The following TANC2 variants were observed in gnomAD, a reference collection of about 807,000 sequenced individuals.
The protein encoded by TANC2 is protein TANC2.
In TANC2, 26 loss-of-function variants were observed where a neutral mutation model predicts 210.5. That is an observed-to-expected ratio of 0.12 (90% CI 0.09 to 0.17). The LOEUF is 0.17. Ranked by LOEUF, TANC2 falls within the 10% of genes least tolerant of loss-of-function variation. The pLI is 1.00. For synonymous variants in TANC2, 931 were observed against 967.1 expected (o/e 0.96, Z 0.69); for missense variants, 2,129 against 2,608.9 (o/e 0.82, Z 4.01).
intron 8 of TANC2, among the ~76,000 whole-genome samples, chr17:63,250,474 A>G (rs928931090): frequency 6.6e-6 from 1 of 152,072 alleles, no homozygotes; most frequent in African/African-American, 2.4e-5. Flanking sequence ...GACTAGCGCT[A>G]TAAGGTAGGA....
At chr17:63,350,343 A>G (rs2046560643) in intron 12 of TANC2, among the ~76,000 whole-genome samples, 1 of 152,176 alleles carries the variant, frequency 6.6e-6, no homozygotes, top group Admixed American at 6.5e-5. Context: ...AGATCCTGCT[A>G]ACAAATAACT....
intron 4 of TANC2, among the ~76,000 whole-genome samples, chr17:63,111,080 A>G (rs561777642): frequency 6.6e-6 from 1 of 152,154 alleles, no homozygotes; most frequent in Non-Finnish European, 1.5e-5. Context: ...TGGGAGGCCA[A>G]GGTGGAGGAT....
At chr17:63,405,054 C>A in intron 19 of TANC2, 68 bp from the exon 20 acceptor site, 2 of 1,423,196 alleles carry the variant, frequency 1.4e-6, no homozygotes, top group South Asian at 1.7e-5. Context: ...AAGGATATGT[C>A]ACGTTTAACA....
chr17:63,087,321 G>A (rs2037008414), intron 3 of TANC2, among the ~76,000 whole-genome samples: 1 of 152,212 alleles, frequency 6.6e-6, no homozygotes, highest in South Asian at 2.1e-4. Context: ...GTTCAGGTGT[G>A]TGGGAAAAGG....
intron 2 of TANC2, among the ~76,000 whole-genome samples, chr17:63,052,454 C>T (rs1028792184): frequency 1.3e-5 from 2 of 152,006 alleles, no homozygotes; most frequent in African/African-American, 4.8e-5. Context: ...TGATAGCGGC[C>T]TTATAATATG....
chr17:63,124,359 A>G (rs1430466283), intron 4 of TANC2, among the ~76,000 whole-genome samples: 1 of 152,180 alleles, frequency 6.6e-6, no homozygotes, highest in African/African-American at 2.4e-5. Flanking sequence ...AGGAACCAAG[A>G]TGGTGTAACT....
At chr17:63,196,317 C>A (rs1208952602) in intron 6 of TANC2, among the ~76,000 whole-genome samples, 1 of 152,102 alleles carries the variant, frequency 6.6e-6, no homozygotes, top group African/African-American at 2.4e-5. Context: ...AAATTGGGAG[C>A]AATAAAACAT....
intron 15 of TANC2, among the ~76,000 whole-genome samples, chr17:63,381,010 G>A (rs568986310): frequency 1.1e-4 from 16 of 152,288 alleles, no homozygotes; most frequent in African/African-American, 3.8e-4. Flanking sequence ...AACTCTAAGA[G>A]CATTGTCCTG....
At chr17:63,154,105 A>T (rs1175881170) in intron 5 of TANC2, 2 of 152,198 alleles carry the variant, frequency 1.3e-5, no homozygotes, top group Non-Finnish European at 2.9e-5. Flanking sequence ...AAATACAAGC[A>T]AACAGTATGT....
chr17:62,980,309 G>A (rs925504171), intron 1 of TANC2, among the ~76,000 whole-genome samples: 1 of 152,132 alleles, frequency 6.6e-6, no homozygotes, highest in South Asian at 2.1e-4. Flanking sequence ...TCATGTAGTT[G>A]TTGGTGATTT....
chr17:63,141,576 A>T (rs2039295552), intron 4 of TANC2, among the ~76,000 whole-genome samples: 1 of 151,628 alleles, frequency 6.6e-6, no homozygotes, highest in Non-Finnish European at 1.5e-5. Flanking sequence ...AAGAAAAAAA[A>T]AAAAGTATTT....
At chr17:63,264,644 G>T (rs1020251602) in intron 8 of TANC2, among the ~76,000 whole-genome samples, 1 of 152,132 alleles carries the variant, frequency 6.6e-6, no homozygotes, top group Admixed American at 6.5e-5. Flanking sequence ...TCAACTTTTT[G>T]TGTTGAGAAA....
At chr17:63,405,924 C>T (rs1316041423) in intron 20 of TANC2, among the ~76,000 whole-genome samples, 2 of 152,134 alleles carry the variant, frequency 1.3e-5, no homozygotes, top group African/African-American at 4.8e-5. Flanking sequence ...TTCTTTTTTA[C>T]TTAGTAGCTG....
At chr17:63,009,686 G>C in intron 2 of TANC2, 60 bp downstream of exon 2, 1 of 1,435,706 alleles carries the variant, frequency 7.0e-7, no homozygotes, top group Non-Finnish European at 9.8e-7. Context: ...TTCTTTTAGG[G>C]TCCTGAATTA....
At chr17:63,120,691 C>T (rs1286628747) in intron 4 of TANC2, 2 of 151,268 alleles carry the variant, frequency 1.3e-5, no homozygotes, top group Non-Finnish European at 2.9e-5. Context: ...GTGCACACCT[C>T]TGGTCCCAGC....
At chr17:63,210,565 A>G (rs1051664875) in intron 7 of TANC2, among the ~76,000 whole-genome samples, 2 of 152,312 alleles carry the variant, frequency 1.3e-5, no homozygotes, top group African/African-American at 4.8e-5. Context: ...GGGATTTAGC[A>G]TAATATCTAA....
At chr17:63,395,351 T>C (rs1479109271) in intron 17 of TANC2, among the ~76,000 whole-genome samples, 1 of 152,236 alleles carries the variant, frequency 6.6e-6, no homozygotes, top group African/African-American at 2.4e-5. Context: ...TCTTCCCTTT[T>C]TTGATTTCAA....
chr17:63,142,320 GT>G (rs1459410730), intron 4 of TANC2, among the ~76,000 whole-genome samples: 4 of 152,086 alleles, frequency 2.6e-5, no homozygotes, highest in African/African-American at 9.7e-5. Context: ...TAATGAATGA[GT>G]TTTGATAATT....
intron 8 of TANC2, among the ~76,000 whole-genome samples, chr17:63,251,664 T>C (rs59582249): frequency 0.046 from 7,074 of 152,224 alleles, 521 homozygotes; most frequent in African/African-American, 0.15. Flanking sequence ...AGTTCCCCAT[T>C]TACTGATTGG....
Sources: allele counts gnomAD v4.1 joint callset (sites outside exome capture counted in the v4.1 genomes callset), GRCh38; gene constraint gnomAD v4.1.1; transcripts MANE v1.5; gene names NCBI Gene and HGNC (gene_info 2026-07-23, HGNC 2026-07-21).